The following CSGALNACT1 variants were observed in gnomAD, a reference collection of about 807,000 sequenced individuals.
CSGALNACT1 encodes beta4GalNAcT-1.
In CSGALNACT1, 52 loss-of-function variants were observed where a neutral mutation model predicts 51.0. That is an observed-to-expected ratio of 1.02 (90% CI 0.82 to 1.29). The LOEUF (loss-of-function observed/expected upper bound fraction) is 1.29, where lower values mean the gene tolerates loss of function less well. Among genes scored for constraint, CSGALNACT1 ranks in the 50% most tolerant of loss-of-function variants. CSGALNACT1 has a pLI of 0.00. For missense variants in CSGALNACT1, 935 were observed against 679.2 expected, an observed-to-expected ratio of 1.38 and a Z score of -4.19; for synonymous variants, 341 against 254.4, an observed-to-expected ratio of 1.34 and a Z score of -3.24.
chr8:19,670,673 A>AAAG lies in CSGALNACT1; in HGVS notation c.-544+11799_-544+11800insCTT, dbSNP rs59840992. ...GACAAAAAAAAAAAAAAAAAAAAAA[A>AAAG]GAGAAAATAGAAACCTTCTCTCAAG... On this transcript the variant is annotated intron_variant, in intron 1 of 9. Transcript: ENST00000332246. 3.4e-5 allele frequency among the ~76,000 whole-genome samples: 5 copies of AAAG among 146,912 alleles called. No individual in the cohort carries two copies. In the East Asian group the frequency reaches 9.9e-4, roughly 29 times the overall value.
At chr8:19,637,493 T>C (rs531615060) in intron 1 of CSGALNACT1, among the ~76,000 whole-genome samples, 3 of 152,332 alleles carry the variant, frequency 2.0e-5, no homozygotes, top group Admixed American at 1.3e-4. Context: ...GTCTTGATTA[T>C]TCCCCCCGAA....
chr8:19,682,324 CAG>C (rs2060679894), intron 1 of CSGALNACT1: 2 of 284,038 alleles, frequency 7.0e-6, no homozygotes, highest in South Asian at 3.6e-5. Flanking sequence ...AAGGTCTAAT[CAG>C]AGTGTTTGCT....
intron 5 of CSGALNACT1, among the ~76,000 whole-genome samples, chr8:19,444,109 T>C (rs925361304): frequency 2.0e-5 from 3 of 152,194 alleles, no homozygotes; most frequent in Non-Finnish European, 4.4e-5. Context: ...TGTGGCCTAG[T>C]TCCTAACAGG....
At chr8:19,542,311 G>A (rs1461840630) in intron 3 of CSGALNACT1, among the ~76,000 whole-genome samples, 1 of 151,754 alleles carries the variant, frequency 6.6e-6, no homozygotes, top group Non-Finnish European at 1.5e-5. Flanking sequence ...AGAAAACACT[G>A]TCCGTCAAAC....
At chr8:19,666,647 G>A (rs1418016176) in intron 1 of CSGALNACT1, among the ~76,000 whole-genome samples, 4 of 150,988 alleles carry the variant, frequency 2.6e-5, no homozygotes, top group African/African-American at 4.9e-5. Flanking sequence ...ACAGTGAGCC[G>A]ATATTGTGCT....
chr8:19,472,721 G>A (rs183026624), intron 4 of CSGALNACT1, among the ~76,000 whole-genome samples: 3 of 152,176 alleles, frequency 2.0e-5, no homozygotes, highest in South Asian at 4.1e-4. Flanking sequence ...ACTGACTTGA[G>A]AATAGAAAAA....
intron 5 of CSGALNACT1, 53 bp from the exon 5 acceptor site, chr8:19,439,984 C>G: frequency 7.1e-7 from 1 of 1,410,024 alleles, no homozygotes; most frequent in Non-Finnish European, 1.0e-6. Context: ...CTGACAGGCA[C>G]AGCACAAACC....
chr8:19,637,716 G>A lies in CSGALNACT1; in HGVS notation c.-543-35851C>T, dbSNP rs538514650. Among the ~76,000 whole-genome samples the A allele has an allele frequency of 2.0e-5, 3 of 152,304 alleles. No individual in the cohort carries two copies. The South Asian group carries it at 6.2e-4, about 32-fold the overall frequency. On this transcript the variant is annotated intron_variant, in intron 1 of 9. Transcript: ENST00000332246. ...TAAAAAGGTAATTGGCAAATAACCA[G>A]GAATCAGTTTGTCACTGCTGTTGCA...
intron 8 of CSGALNACT1, among the ~76,000 whole-genome samples, chr8:19,411,843 T>C (rs2055828277): frequency 6.6e-6 from 1 of 151,870 alleles, no homozygotes; most frequent in African/African-American, 2.4e-5. Context: ...CTTTTTTTTT[T>C]TTTTTTTGAC....
chr8:19,614,654 G>T (rs1285437499), intron 1 of CSGALNACT1, among the ~76,000 whole-genome samples: 2 of 151,978 alleles, frequency 1.3e-5, no homozygotes, highest in Non-Finnish European at 2.9e-5. Context: ...TCTATATAGG[G>T]CCTGGTACTG....
rs1241803659 is a variant in CSGALNACT1 at position 19,408,706 on chromosome 8, G to A, written c.1228-12C>T. ...TCCTTCTTTATGACCTGCAAGAAAAGCACTGTCATTTGAGGGGAAAGTTTA... is the reference window on the plus strand; with the variant it reads ...TCCTTCTTTATGACCTGCAAGAAAAACACTGTCATTTGAGGGGAAAGTTTA... On this transcript the variant is annotated splice_polypyrimidine_tract_variant and intron_variant, in intron 8 of 9. Coordinates refer to ENST00000454498, the Ensembl canonical transcript of CSGALNACT1. 3.1e-6 allele frequency: 5 copies of A among 1,612,950 alleles called. No homozygotes were observed. Among genetic ancestry groups the A allele is most frequent in the Non-Finnish European group, 4.2e-6 (5 of 1,179,314 alleles).
intron 1 of CSGALNACT1, among the ~76,000 whole-genome samples, chr8:19,658,632 G>T (rs1017288556): frequency 6.6e-6 from 1 of 152,084 alleles, no homozygotes; most frequent in Non-Finnish European, 1.5e-5. Context: ...TACTTGGGAG[G>T]CTGAGGCACG....
chr8:19,682,037 C>A, intron 1 of CSGALNACT1, among the ~76,000 whole-genome samples: 1 of 152,186 alleles, frequency 6.6e-6, no homozygotes, highest in Non-Finnish European at 1.5e-5. Flanking sequence ...CCAGGGATGT[C>A]TCCCTGTACC....
chr8:19,620,314 C>CAAA (rs35145827), intron 1 of CSGALNACT1, among the ~76,000 whole-genome samples: 1 of 64,758 alleles, frequency 1.5e-5, no homozygotes, highest in Admixed American at 2.0e-4. Context: ...GACTCTGTCT[C>CAAA]AAAAAAAAAA....
chr8:19,467,548 A>C (rs1439472984), intron 4 of CSGALNACT1, among the ~76,000 whole-genome samples: 1 of 152,218 alleles, frequency 6.6e-6, no homozygotes, highest in Non-Finnish European at 1.5e-5. Context: ...TTAGGATTCC[A>C]GCACTGAAGT....
chr8:19,701,061 C>T (rs1364771486), intron 1 of CSGALNACT1, among the ~76,000 whole-genome samples: 2 of 151,596 alleles, frequency 1.3e-5, no homozygotes, highest in Admixed American at 6.6e-5. Flanking sequence ...CCCTCTTATG[C>T]CATCAAGACA....
upstream of CSGALNACT1, among the ~76,000 whole-genome samples, chr8:19,685,751 T>C (rs565948724): frequency 3.3e-4 from 50 of 152,324 alleles, no homozygotes; most frequent in African/African-American, 1.0e-3. Context: ...ATTCTGAATC[T>C]GACAGGCAGG....
intron 1 of CSGALNACT1, among the ~76,000 whole-genome samples, chr8:19,666,787 GAAAGAAAGAAAGAA>G (rs2059227078): frequency 9.7e-5 from 2 of 20,692 alleles, no homozygotes; most frequent in African/African-American, 2.7e-4. Context: ...AAGAAAGAAA[GAAAGAAAGAAAGAA>G]AGAAAGAAAG....
chr8:19,485,923 C>T (rs1040225491), intron 4 of CSGALNACT1, among the ~76,000 whole-genome samples: 2 of 151,640 alleles, frequency 1.3e-5, no homozygotes, highest in East Asian at 3.9e-4. Context: ...CACGCCACCA[C>T]ATCTGGCTAA....
Sources: allele counts gnomAD v4.1 joint callset (sites outside exome capture counted in the v4.1 genomes callset), GRCh38; gene constraint gnomAD v4.1.1; transcripts MANE v1.5; gene names NCBI Gene and HGNC (gene_info 2026-07-23, HGNC 2026-07-21).